IPO11: variants seen among roughly 807,000 people sequenced by gnomAD.
IPO11 encodes importin 11, also known as importin-11.
In IPO11, 66 loss-of-function variants were observed where a neutral mutation model predicts 143.2. That is an observed-to-expected ratio of 0.46 (90% confidence interval 0.38 to 0.57). IPO11 has a LOEUF of 0.57. Among genes scored for constraint, IPO11 ranks in the 20% least tolerant of loss-of-function variants. The pLI is 0.00. For synonymous variants in IPO11, 385 were observed against 377.8 expected (o/e 1.02, Z -0.22); for missense variants, 1,026 against 1,141.0 (o/e 0.90, Z 1.45).
At chr5:62,605,894 C>G (rs932785186) in intron 29 of IPO11, among the ~76,000 whole-genome samples, 4 of 151,960 alleles carry the variant, frequency 2.6e-5, no homozygotes, top group Non-Finnish European at 5.9e-5. Flanking sequence ...TGCCACTACG[C>G]TAATTTTTAC....
chr5:62,501,523 A>T (rs572799183), intron 16 of IPO11, among the ~76,000 whole-genome samples: 1 of 152,192 alleles, frequency 6.6e-6, no homozygotes, highest in Admixed American at 6.5e-5. Flanking sequence ...TTTTTTCTTG[A>T]AAGGAGATGA....
intron 5 of IPO11, among the ~76,000 whole-genome samples, chr5:62,463,704 T>C (rs1233200906): frequency 1.3e-5 from 2 of 151,788 alleles, no homozygotes; most frequent in Non-Finnish European, 2.9e-5. Flanking sequence ...CAGAACTTAG[T>C]TATACCAAAA....
intron 1 of IPO11, 79 bp from the exon 2 acceptor site, chr5:62,437,195 T>A (rs766785245): frequency 2.1e-5 from 25 of 1,184,588 alleles, no homozygotes; most frequent in South Asian, 3.6e-5. Flanking sequence ...ACATGAAAGC[T>A]TTTTGTCTCC....
rs1743348487 is a variant in IPO11, at chr5:62,550,369, T to C, written c.2253T>C (p.Val751=). The change falls in exon 25 of 30, where the codon GTT becomes GTC. Residue 751 remains valine, a splice_region_variant and synonymous_variant. Coordinates refer to ENST00000325324, the MANE Select transcript of IPO11 (RefSeq NM_016338.5). ...TTEGQVQVLK[V]VENALKVNPI... ...CAATCTTTCTTTCTGGTTTTTAGGT[T>C]GTGGAAAATGCCCTTAAAGTGAACC... is the stretch of plus-strand genomic sequence containing the variant. 1 of 1,609,384 alleles carries C rather than the reference T, an allele frequency of 6.2e-7. No homozygotes were observed. The highest frequency in any genetic ancestry group is 8.5e-7 in the Non-Finnish European group (1 of 1,176,576).
chr5:62,615,519 C>T (rs1198318597), intron 29 of IPO11, among the ~76,000 whole-genome samples: 1 of 152,096 alleles, frequency 6.6e-6, no homozygotes, highest in African/African-American at 2.4e-5. Flanking sequence ...CAGAATAATC[C>T]CTCTCATCCC....
Position 62,580,181 on chromosome 5 carries a change from T to G in IPO11, c.2583-11396T>G, listed in dbSNP as rs777674785. ...ATTGAAGCAATACAGCCCTTTGCAT[T>G]TAAAGGACTTGCCAATCTGGAATAC... On this transcript the variant is annotated intron_variant, in intron 27 of 29. Coordinates refer to ENST00000325324, the MANE Select transcript of IPO11 (RefSeq NM_016338.5). 3.2e-6 allele frequency: 5 copies of G among 1,551,196 alleles called. No individual in the cohort carries two copies. In the South Asian group the frequency reaches 5.9e-5, roughly 18 times the overall value.
chr5:62,515,391 C>T lies in IPO11; in HGVS notation c.1786C>T (p.Arg596Ter), dbSNP rs751288598. ...CVIERVNMQI[R>*]PYVGCLVQYL... is the part of the protein sequence containing the mutation. ...TCCTCTACTTATATTGTAATAGATACGACCATATGTGGGATGTTTGGTACA... is the reference window on the plus strand; with the variant it reads ...TCCTCTACTTATATTGTAATAGATATGACCATATGTGGGATGTTTGGTACA... Residue 596 changes from arginine to a stop codon, truncating the protein, a stop_gained, in exon 20 of 30, where the codon CGA becomes TGA. Coordinates refer to ENST00000325324, the MANE Select transcript of IPO11 (RefSeq NM_016338.5). LOFTEE classifies it high-confidence loss of function. 1 of 1,595,900 alleles carries T rather than the reference C, an allele frequency of 6.3e-7. No homozygotes were observed. The highest frequency in any genetic ancestry group is 8.5e-7 in the Non-Finnish European group (1 of 1,173,376).
At chr5:62,431,448 G>A (rs1743985092) in intron 1 of IPO11, among the ~76,000 whole-genome samples, 1 of 152,014 alleles carries the variant, frequency 6.6e-6, no homozygotes, top group Non-Finnish European at 1.5e-5. Context: ...GGAGTGCAGT[G>A]GGGTGATCTC....
chr5:62,584,746 TTTTG>T (rs527558557), intron 27 of IPO11, among the ~76,000 whole-genome samples: 203 of 149,168 alleles, frequency 1.4e-3, no homozygotes, highest in Non-Finnish European at 2.3e-3. Flanking sequence ...TGTTTTTTGT[TTTTG>T]TTTTTTTTTT....
intron 29 of IPO11, among the ~76,000 whole-genome samples, chr5:62,625,254 C>T (rs1580405030): frequency 6.6e-6 from 1 of 152,152 alleles, no homozygotes; most frequent in Non-Finnish European, 1.5e-5. Context: ...CCCACAGAAA[C>T]TAAAATCTTG....
chr5:62,545,374 G>T (rs1387495273), intron 24 of IPO11, among the ~76,000 whole-genome samples: 2 of 152,138 alleles, frequency 1.3e-5, no homozygotes, highest in Admixed American at 1.3e-4. Context: ...AATAAATGGT[G>T]CTGGGAAAAC....
intron 27 of IPO11, among the ~76,000 whole-genome samples, chr5:62,565,516 C>A (rs2112373714): frequency 1.3e-5 from 2 of 152,222 alleles, no homozygotes; most frequent in East Asian, 3.9e-4. Context: ...AAACCGATGA[C>A]AACTTTAATT....
chr5:62,418,826 G>T, intron 1 of IPO11: 1 of 560,242 alleles, frequency 1.8e-6, no homozygotes, highest in Non-Finnish European at 3.0e-6. Flanking sequence ...AGGTCATGCA[G>T]ACAACCTAGT....
At chr5:62,516,468 A>G (rs1031628057) in intron 20 of IPO11, among the ~76,000 whole-genome samples, 2 of 151,834 alleles carry the variant, frequency 1.3e-5, no homozygotes, top group Non-Finnish European at 2.9e-5. Flanking sequence ...TAATTTTTGT[A>G]TTTTTAGTAG....
Position 62,481,837 on chromosome 5 carries a change from T to C in IPO11, c.829-1264T>C, listed in dbSNP as rs562267276. 2.6e-5 allele frequency among the ~76,000 whole-genome samples: 4 copies of C among 152,322 alleles called. No individual in the cohort carries two copies. In the East Asian group the frequency reaches 7.7e-4, roughly 29 times the overall value. ...TTAGGGAGGATTCCCTCTTTTTCTA[T>C]TGATTGGAATAGTTTCAGAAGGAAT... On this transcript the variant is annotated intron_variant, in intron 9 of 29. Transcript: ENST00000325324.
chr5:62,425,722 A>G (rs1743712249), intron 1 of IPO11, among the ~76,000 whole-genome samples: 1 of 152,234 alleles, frequency 6.6e-6, no homozygotes, highest in Non-Finnish European at 1.5e-5. Context: ...GAAGACTTAG[A>G]AATGAAAGTA....
intron 16 of IPO11, among the ~76,000 whole-genome samples, chr5:62,501,240 C>G (rs1172535531): frequency 6.6e-6 from 1 of 151,906 alleles, no homozygotes; most frequent in Non-Finnish European, 1.5e-5. Context: ...TTCTATTTAC[C>G]TATCCTTTGT....
chr5:62,454,705 G>A (rs550289683), intron 5 of IPO11, among the ~76,000 whole-genome samples: 27 of 152,232 alleles, frequency 1.8e-4, no homozygotes, highest in African/African-American at 6.5e-4. Context: ...TTACCACATT[G>A]TGCTGACTTG....
At chr5:62,535,588 C>T (rs1742707947) in intron 22 of IPO11, among the ~76,000 whole-genome samples, 1 of 151,988 alleles carries the variant, frequency 6.6e-6, no homozygotes, top group East Asian at 1.9e-4. Context: ...ATAAGTTTAT[C>T]ATTTCCTGTC....
Sources: allele counts gnomAD v4.1 joint callset (sites outside exome capture counted in the v4.1 genomes callset), GRCh38; gene constraint gnomAD v4.1.1; transcripts MANE v1.5; gene names NCBI Gene and HGNC (gene_info 2026-07-23, HGNC 2026-07-21).